The following MTRF1L variants were observed in gnomAD, a reference collection of about 807,000 sequenced individuals.
MTRF1L encodes peptide chain release factor 1-like, mitochondrial.
In MTRF1L, 29 loss-of-function variants were observed where a neutral mutation model predicts 40.0. That is an observed-to-expected ratio of 0.73 (90% confidence interval 0.54 to 0.99). The LOEUF (loss-of-function observed/expected upper bound fraction) is 0.99. Ranked by LOEUF, MTRF1L falls within the 50% of genes least tolerant of loss-of-function variation. MTRF1L has a pLI of 0.00. For missense variants in MTRF1L, 412 were observed against 464.5 expected, an observed-to-expected ratio of 0.89 and a Z score of 1.04; for synonymous variants, 150 against 175.8, an observed-to-expected ratio of 0.85 and a Z score of 1.16.
At chr6:152,991,841 G>A (rs576430125) in intron 5 of MTRF1L, among the ~76,000 whole-genome samples, 4 of 152,266 alleles carry the variant, frequency 2.6e-5, no homozygotes, top group East Asian at 3.9e-4. Flanking sequence ...GAGCCACCGC[G>A]CCCGGCCTAG....
rs770344274 is a variant in MTRF1L, at chr6:153,002,431, C to T, written c.255G>A (p.Leu85=). 14 of 1,613,856 alleles carry T rather than the reference C, an allele frequency of 8.7e-6. No individual in the cohort carries two copies. In the Admixed American group the frequency reaches 2.3e-4, roughly 27 times the overall value. The change falls in exon 1 of 7, where the codon CTG becomes CTA. Residue 85 remains leucine, a synonymous_variant. Coordinates refer to ENST00000367233, the MANE Select transcript of MTRF1L (RefSeq NM_019041.7). ...TCCCCCGGGCCCGACCCTTACCGTG[C>T]AGCAAGTGCTCAGTCTCCCGCAGCT... The part of the protein sequence containing the change: ...ERELRETEHL[L]HDENEDLRKL...
chr6:153,001,409 G>T (rs559389803), intron 1 of MTRF1L, among the ~76,000 whole-genome samples: 1 of 151,988 alleles, frequency 6.6e-6, no homozygotes, highest in Non-Finnish European at 1.5e-5. Flanking sequence ...TGTATATCTC[G>T]AGAGCTCTCA....
intron 4 of MTRF1L, among the ~76,000 whole-genome samples, 194 bp downstream of exon 4, chr6:152,994,319 C>CA (rs1778631476): frequency 6.6e-6 from 1 of 152,040 alleles, no homozygotes; most frequent in African/African-American, 2.4e-5. Flanking sequence ...ACAGACAATG[C>CA]AACATTGTAT....
At chr6:152,991,583 G>A (rs1472718592) in intron 5 of MTRF1L, among the ~76,000 whole-genome samples, 1 of 152,172 alleles carries the variant, frequency 6.6e-6, no homozygotes, top group Non-Finnish European at 1.5e-5. Flanking sequence ...GTCTCGCTCT[G>A]TCGCCCAGGC....
chr6:153,000,449 A>G (rs1339634963), intron 1 of MTRF1L, among the ~76,000 whole-genome samples: 1 of 152,206 alleles, frequency 6.6e-6, no homozygotes, highest in African/African-American at 2.4e-5. Context: ...GTGCAGCTCT[A>G]AAGGGTTTAG....
chr6:152,994,486 T>G, intron 4 of MTRF1L, 27 bp downstream of exon 4: 3 of 1,582,960 alleles, frequency 1.9e-6, no homozygotes, highest in Non-Finnish European at 2.6e-6. Context: ...AGGCCCGGGA[T>G]TCCAAGGAGA....
chr6:153,000,695 A>G (rs1417586167), intron 1 of MTRF1L, among the ~76,000 whole-genome samples: 2 of 152,072 alleles, frequency 1.3e-5, no homozygotes, highest in African/African-American at 4.8e-5. Context: ...TGCCATTTTT[A>G]TAACTTTTCT....
intron 4 of MTRF1L, 93 bp downstream of exon 4, chr6:152,994,419 AT>A (rs1269393317): frequency 7.6e-7 from 1 of 1,311,180 alleles, no homozygotes; most frequent in Non-Finnish European, 1.0e-6. Context: ...GGAAGACCAA[AT>A]AGATACTCAA....
rs3818126 is a variant in MTRF1L at position 153,002,671 on chromosome 6, A to G, written c.15T>C (p.Val5=). MRSR[V]LWGAARWLWP... is the part of the protein sequence containing the mutation. ...AGAGCCACCGGGCAGCGCCCCACAG[A>G]ACCCGGGACCGCATCCTTAGTCCGA... The change falls in exon 1 of 7, where the codon GTT becomes GTC. Residue 5 remains valine (V), a synonymous_variant. Transcript: ENST00000367233. The G allele has an allele frequency of 0.2, 294,344 of 1,493,182 alleles. 29,921 individuals carry two copies. The highest frequency in any genetic ancestry group is 0.32 in the Admixed American group (12,177 of 38,102). The allele number at this position is 1,493,182 out of a possible 1,614,324, so 92.5% of individuals were successfully genotyped here.
intron 3 of MTRF1L, 40 bp downstream of exon 3, chr6:152,995,096 C>G (rs772980055): frequency 1.3e-6 from 2 of 1,530,236 alleles, no homozygotes; most frequent in South Asian, 2.5e-5. Flanking sequence ...AACTCTTTTC[C>G]TAAACACTTT....
rs745385150 is a variant in MTRF1L at position 152,994,544 on chromosome 6, A to G, written c.656T>C (p.Met219Thr). ...EKQGRVHTST[M>T]TVAILPQPTE... is the part of the protein sequence containing the mutation. The stretch of plus-strand genomic sequence containing the variant: ...AGGCTGGGGTAATATTGCTACAGTC[A>G]TGGTGCTAGTATGGACGCGGCCTTG... Residue 219 changes from methionine to threonine, a missense_variant, in exon 4 of 7, where the codon ATG becomes ACG. Coordinates refer to ENST00000367233, the MANE Select transcript of MTRF1L (RefSeq NM_019041.7). The G allele has an allele frequency of 1.2e-6, 2 of 1,611,860 alleles. No individual in the cohort carries two copies. The highest frequency in any genetic ancestry group is 1.3e-5 in the African/African-American group (1 of 74,832).
intron 2 of MTRF1L, among the ~76,000 whole-genome samples, chr6:152,995,632 C>A (rs1245479408): frequency 6.6e-6 from 1 of 152,080 alleles, no homozygotes; most frequent in African/African-American, 2.4e-5. Flanking sequence ...TAAGTACTTG[C>A]TCTGATTCGG....
chr6:153,001,481 G>A (rs1289435284), intron 1 of MTRF1L, among the ~76,000 whole-genome samples: 4 of 152,128 alleles, frequency 2.6e-5, no homozygotes, highest in Non-Finnish European at 5.9e-5. Flanking sequence ...GACTAGTACA[G>A]ATATCTTTAT....
At chr6:153,000,011 C>G (rs2129101663) in intron 1 of MTRF1L, among the ~76,000 whole-genome samples, 1 of 152,276 alleles carries the variant, frequency 6.6e-6, no homozygotes, top group African/African-American at 2.4e-5. Context: ...GGAAGCACTG[C>G]TGAAAATTAT....
chr6:152,996,187 T>C (rs952904941), intron 2 of MTRF1L, among the ~76,000 whole-genome samples: 9 of 152,182 alleles, frequency 5.9e-5, no homozygotes, highest in African/African-American at 2.2e-4. Context: ...TGGCTCAACA[T>C]TACCCAACTC....
At chr6:152,999,356 A>G (rs1778828346) in intron 1 of MTRF1L, among the ~76,000 whole-genome samples, 1 of 152,178 alleles carries the variant, frequency 6.6e-6, no homozygotes, top group Admixed American at 6.5e-5. Flanking sequence ...AACCCTTACA[A>G]AGCATCAGTT....
At chr6:152,997,042 A>G (rs576950029) in intron 2 of MTRF1L, among the ~76,000 whole-genome samples, 1 of 152,300 alleles carries the variant, frequency 6.6e-6, no homozygotes, top group East Asian at 1.9e-4. Flanking sequence ...AGCAAGAACA[A>G]ACATTAAATT....
At chr6:152,994,697 G>A (rs12193538) in intron 3 of MTRF1L, 21 bp from the exon 4 acceptor site, 2 of 1,613,392 alleles carry the variant, frequency 1.2e-6, no homozygotes, top group Admixed American at 1.7e-5. Context: ...CAGGGAAATA[G>A]AATTATTTTT....
intron 1 of MTRF1L, among the ~76,000 whole-genome samples, chr6:152,999,886 T>C (rs1332705953): frequency 1.3e-5 from 2 of 152,186 alleles, no homozygotes; most frequent in Non-Finnish European, 2.9e-5. Context: ...TGATTAAATA[T>C]TAAAACAGTT....
Sources: gnomAD v4.1 joint callset for allele counts (sites outside exome capture counted in the v4.1 genomes callset) on GRCh38, gnomAD v4.1.1 for gene constraint, MANE v1.5 for transcripts, NCBI Gene and HGNC (gene_info 2026-07-23, HGNC 2026-07-21) for gene names.